PRKCB: variants seen among roughly 807,000 people sequenced by gnomAD.
PRKCB encodes protein kinase C beta type.
PRKCB carries 13 observed loss-of-function variants against 81.5 expected under a neutral mutation model. That is an observed-to-expected ratio of 0.16 (90% CI 0.10 to 0.25). The LOEUF is 0.25. Ranked by LOEUF, PRKCB falls within the 10% of genes least tolerant of loss-of-function variation. The probability of loss-of-function intolerance (pLI) is 1.00; values close to 1 mark genes in which losing one functional copy is unlikely to be tolerated. For synonymous variants in PRKCB, 335 were observed against 321.4 expected (o/e 1.04, Z -0.45); for missense variants, 509 against 875.7 (o/e 0.58, Z 5.29).
At chr16:24,198,661 AGT>A (rs1445600154) in intron 16 of PRKCB, among the ~76,000 whole-genome samples, 3 of 152,198 alleles carry the variant, frequency 2.0e-5, no homozygotes, top group Admixed American at 1.3e-4. Flanking sequence ...TAAGCGCTAA[AGT>A]GTGTGTACAA....
chr16:23,891,121 C>T (rs557364803), intron 2 of PRKCB, among the ~76,000 whole-genome samples: 4 of 151,416 alleles, frequency 2.6e-5, no homozygotes, highest in South Asian at 2.1e-4. Flanking sequence ...ACTGCAGCCT[C>T]GACCTCCTGG....
intron 5 of PRKCB, among the ~76,000 whole-genome samples, chr16:24,060,208 T>C (rs1336221366): frequency 2.0e-5 from 3 of 152,134 alleles, no homozygotes; most frequent in Admixed American, 6.5e-5. Context: ...CTGTGGGACT[T>C]TGGGCAAGTT....
intron 2 of PRKCB, among the ~76,000 whole-genome samples, chr16:23,947,055 C>T (rs1037989220): frequency 6.6e-6 from 1 of 152,122 alleles, no homozygotes; most frequent in African/African-American, 2.4e-5. Flanking sequence ...GGGGTTTTAC[C>T]ATGTTGGCCA....
intron 16 of PRKCB, among the ~76,000 whole-genome samples, chr16:24,195,029 C>T (rs906388453): frequency 2.0e-5 from 3 of 152,048 alleles, no homozygotes; most frequent in African/African-American, 7.2e-5. Context: ...CATGGCAAAA[C>T]CCCGTCTCTA....
chr16:23,855,841 TA>T (rs1320765339), intron 2 of PRKCB, among the ~76,000 whole-genome samples: 1 of 152,196 alleles, frequency 6.6e-6, no homozygotes. Context: ...AAGGCAGCAT[TA>T]CCTTGGGCAA....
At chr16:24,065,523 A>G (rs1161577049) in intron 5 of PRKCB, among the ~76,000 whole-genome samples, 4 of 152,218 alleles carry the variant, frequency 2.6e-5, no homozygotes, top group African/African-American at 9.6e-5. Flanking sequence ...GTAATTTTAC[A>G]TGTGATTTAA....
At chr16:23,961,146 C>T (rs182900457) in intron 2 of PRKCB, among the ~76,000 whole-genome samples, 193 of 152,182 alleles carry the variant, frequency 1.3e-3, no homozygotes, top group African/African-American at 4.5e-3. Context: ...TAGGCTCAAG[C>T]GATCCTCCCA....
intron 16 of PRKCB, among the ~76,000 whole-genome samples, chr16:24,206,438 G>A (rs1324203645): frequency 6.6e-6 from 1 of 152,198 alleles, no homozygotes; most frequent in Non-Finnish European, 1.5e-5. Context: ...GTGTCCTGGT[G>A]TCTTGATGGA....
intron 2 of PRKCB, among the ~76,000 whole-genome samples, chr16:23,849,627 T>C (rs1003784927): frequency 6.6e-6 from 1 of 152,154 alleles, no homozygotes. Context: ...AGGATTGACA[T>C]ATAGAGTAGA....
At chr16:24,043,451 C>T (rs1340610560) in intron 5 of PRKCB, among the ~76,000 whole-genome samples, 3 of 151,972 alleles carry the variant, frequency 2.0e-5, no homozygotes, top group Admixed American at 2.0e-4. Context: ...TGAAGAAGTT[C>T]AGTTAAATCA....
At chr16:24,094,809 G>GAGGGAGGAAGGA (rs749385454) in intron 7 of PRKCB, among the ~76,000 whole-genome samples, 1 of 116,650 alleles carries the variant, frequency 8.6e-6, no homozygotes. Context: ...GGAAGGGAGG[G>GAGGGAGGAAGGA]AGGAAGGAAG....
At chr16:24,149,324 C>A (rs1043337492) in intron 9 of PRKCB, among the ~76,000 whole-genome samples, 1 of 152,208 alleles carries the variant, frequency 6.6e-6, no homozygotes, top group African/African-American at 2.4e-5. Context: ...TAAAGTATCA[C>A]TTCCTTCGTG....
At chr16:24,092,985 G>A (rs1176207318) in intron 6 of PRKCB, 38 bp downstream of exon 6, 1 of 1,594,038 alleles carries the variant, frequency 6.3e-7, no homozygotes, top group South Asian at 1.1e-5. Flanking sequence ...GGGTGGTGGA[G>A]GTTGGGTTAT....
At chr16:23,931,736 C>G (rs1208405697) in intron 2 of PRKCB, among the ~76,000 whole-genome samples, 2 of 152,048 alleles carry the variant, frequency 1.3e-5, no homozygotes, top group Non-Finnish European at 2.9e-5. Context: ...CCTGCTGGGT[C>G]TTGGAGTCCA....
rs917381849 is a variant in PRKCB at position 24,009,426 on chromosome 16, A to T, written c.288+20836A>T. Among the ~76,000 whole-genome samples the T allele has an allele frequency of 4.7e-3, 664 of 139,862 alleles. 5 individuals carry two copies. The highest frequency in any genetic ancestry group is 0.016 in the African/African-American group (606 of 38,184). 91.8% of individuals were successfully genotyped at this position (139,862 alleles called of 152,430 possible). A position where few individuals can be genotyped will look rare whatever the true frequency, so the allele number is the denominator to read the frequency against. On this transcript the variant is annotated intron_variant, in intron 3 of 16. Transcript: ENST00000643927. ...TTATCTCACACTTGTTAGGATGACTATTTTTTTTTTTTTTTTGAGATGGAG... is the reference window on the plus strand; with the variant it reads ...TTATCTCACACTTGTTAGGATGACTTTTTTTTTTTTTTTTTTGAGATGGAG...
intron 5 of PRKCB, among the ~76,000 whole-genome samples, chr16:24,053,224 G>C (rs1965863468): frequency 6.6e-6 from 1 of 152,234 alleles, no homozygotes; most frequent in South Asian, 2.1e-4. Context: ...GTCAGGCATT[G>C]ACTTAGTCAC....
chr16:23,859,427 C>T (rs553787928), intron 2 of PRKCB, among the ~76,000 whole-genome samples: 1 of 152,280 alleles, frequency 6.6e-6, no homozygotes, highest in East Asian at 1.9e-4. Context: ...CATAGTCAGC[C>T]GCCCTGTGAT....
At chr16:24,123,038 G>A (rs756597466) in intron 8 of PRKCB, among the ~76,000 whole-genome samples, 37 of 152,304 alleles carry the variant, frequency 2.4e-4, no homozygotes, top group Admixed American at 7.2e-4. Flanking sequence ...GAAATATTCC[G>A]TGTCCACAAC....
At chr16:24,127,004 CTTT>C (rs34385102) in intron 9 of PRKCB, among the ~76,000 whole-genome samples, 6,080 of 116,120 alleles carry the variant, frequency 0.052, 420 homozygotes, top group African/African-American at 0.18. Flanking sequence ...TTCTTTTTTC[CTTT>C]TTTTTTTTTT....
Sources: gnomAD v4.1 joint callset for allele counts (sites outside exome capture counted in the v4.1 genomes callset) on GRCh38, gnomAD v4.1.1 for gene constraint, MANE v1.5 for transcripts, NCBI Gene and HGNC (gene_info 2026-07-23, HGNC 2026-07-21) for gene names.